ABCB11: variants seen among roughly 807,000 people sequenced by gnomAD.
ABCB11 encodes the protein ATP binding cassette subfamily B member 11.
A neutral mutation model predicts 148.0 loss-of-function variants in ABCB11; 95 were observed. The observed-to-expected ratio is 0.64, with a 90% CI of 0.54 to 0.76. ABCB11 has a LOEUF of 0.76. Ranked by LOEUF, ABCB11 falls within the 30% of genes least tolerant of loss-of-function variation. The pLI is 0.00. For missense variants in ABCB11, 1,523 were observed against 1,617.8 expected (o/e 0.94, Z 1.01); for synonymous variants, 591 against 555.4 (o/e 1.06, Z -0.90).
At chr2:168,995,829 T>G (rs1694695501) in intron 6 of ABCB11, among the ~76,000 whole-genome samples, 1 of 151,930 alleles carries the variant, frequency 6.6e-6, no homozygotes, top group South Asian at 2.1e-4. Flanking sequence ...ATAACTATTT[T>G]TAATGCCATT....
chr2:169,019,669 GA>G (rs1265697350), intron 1 of ABCB11, among the ~76,000 whole-genome samples: 1 of 152,112 alleles, frequency 6.6e-6, no homozygotes, highest in Non-Finnish European at 1.5e-5. Context: ...TGTTGTTCAA[GA>G]ATCAAACTGT....
In ABCB11 at chr2:168,930,823, AT is replaced by A; in HGVS notation, c.3252del (p.Lys1084AsnfsTer13). On this transcript the variant is annotated frameshift_variant, in exon 25 of 28. Coordinates refer to ENST00000650372, the MANE Select transcript of ABCB11 (RefSeq NM_003742.4). LOFTEE classifies it high-confidence loss of function. ...GAGTCAGGTCGAGAAGGATATGTAAATTTACAATCAACAAAATCAATCTTCC... is the reference window on the plus strand; with the variant it reads ...GAGTCAGGTCGAGAAGGATATGTAAATTACAATCAACAAAATCAATCTTCC... Reference protein sequence around the residue: ...FQGKIDFVDCKFTYPSRPDSQ... With the variant: ...FQGKIDFVDCXFTYPSRPDSQ... 1 of 1,610,194 alleles carries A rather than the reference AT, an allele frequency of 6.2e-7. No homozygotes were observed. Among genetic ancestry groups the A allele is most frequent in the Non-Finnish European group, 8.5e-7 (1 of 1,178,202 alleles).
At chr2:168,956,407 G>A (rs916582201) in intron 19 of ABCB11, among the ~76,000 whole-genome samples, 3 of 151,656 alleles carry the variant, frequency 2.0e-5, no homozygotes, top group Admixed American at 1.3e-4. Flanking sequence ...TGTTTCCTAT[G>A]TTCTTCCATT....
intron 2 of ABCB11, 122 bp from the exon 3 acceptor site, chr2:169,016,921 A>AAG: frequency 1.4e-6 from 1 of 722,052 alleles, no homozygotes; most frequent in African/African-American, 1.8e-5. Flanking sequence ...ATGGAATATT[A>AAG]GCAAATGACT....
At chr2:168,970,294 T>C (rs1382812114) in intron 14 of ABCB11, 79 bp from the exon 15 acceptor site, 2 of 1,553,728 alleles carry the variant, frequency 1.3e-6, no homozygotes, top group Non-Finnish European at 1.7e-6. Flanking sequence ...ATGTCCTTTC[T>C]GTCATAGTTT....
chr2:168,945,602 GA>G (rs1236672887), intron 19 of ABCB11, among the ~76,000 whole-genome samples: 1 of 146,646 alleles, frequency 6.8e-6, no homozygotes, highest in African/African-American at 2.5e-5. Flanking sequence ...CGGAAGGGAA[GA>G]AGGAAGAAAG....
At chr2:168,972,652 G>A (rs557506468) in intron 13 of ABCB11, among the ~76,000 whole-genome samples, 2 of 152,126 alleles carry the variant, frequency 1.3e-5, no homozygotes, top group Non-Finnish European at 2.9e-5. Context: ...GAGATGAGAT[G>A]TCTGTGAAAA....
intron 1 of ABCB11, among the ~76,000 whole-genome samples, chr2:169,025,488 G>A (rs997950568): frequency 1.3e-5 from 2 of 152,110 alleles, no homozygotes; most frequent in Non-Finnish European, 2.9e-5. Flanking sequence ...CTTAAAGACC[G>A]AGTCCTCCCT....
At chr2:168,999,203 G>GT (rs1369524901) in intron 5 of ABCB11, among the ~76,000 whole-genome samples, 1 of 151,632 alleles carries the variant, frequency 6.6e-6, no homozygotes, top group Admixed American at 6.6e-5. Flanking sequence ...ATAAAGAGAC[G>GT]TTTTACAAAT....
intron 5 of ABCB11, among the ~76,000 whole-genome samples, chr2:169,002,458 A>C (rs1694905072): frequency 6.6e-6 from 1 of 152,212 alleles, no homozygotes; most frequent in Non-Finnish European, 1.5e-5. Flanking sequence ...GTATATATCC[A>C]AGGAAAATGA....
chr2:169,002,817 T>C (rs1022240128), intron 5 of ABCB11, among the ~76,000 whole-genome samples: 1 of 152,194 alleles, frequency 6.6e-6, no homozygotes, highest in South Asian at 2.1e-4. Context: ...ATACAAAATT[T>C]CAATTAGGAG....
At chr2:168,933,319 T>C (rs1324286824) in intron 23 of ABCB11, among the ~76,000 whole-genome samples, 1 of 152,202 alleles carries the variant, frequency 6.6e-6, no homozygotes, top group Non-Finnish European at 1.5e-5. Context: ...TAATTTATGC[T>C]TCAGAGAGCA....
Position 168,973,699 on chromosome 2 carries a change from T to C in ABCB11, c.1434+16A>G, listed in dbSNP as rs771980321. On this transcript the variant is annotated intron_variant, in intron 13 of 27. Transcript: ENST00000650372. ...TACTGTCCCCATGTATTGAGGAGTT[T>C]CTGGAAGACACCCACCATTCCTTCA... The C allele has an allele frequency of 1.6e-5, 25 of 1,610,900 alleles. No homozygotes were observed. Among genetic ancestry groups the C allele is most frequent in the Admixed American group, 3.3e-5 (2 of 59,872 alleles).
At chr2:168,919,378 G>A (rs2105867861), downstream of ABCB11, among the ~76,000 whole-genome samples, 1 of 152,160 alleles carries the variant, frequency 6.6e-6, no homozygotes, top group African/African-American at 2.4e-5. Context: ...TCTAGCAGGG[G>A]GTTCTGTCTT....
Position 168,936,383 on chromosome 2 carries a change from A to G in ABCB11, c.2661T>C (p.Thr887=). ...AGGAGAAGGCAATGATCATGGCCAC[A>G]GTGACGTTAGTGAAGGAATTGACTA... is the stretch of plus-strand genomic sequence containing the variant. ...GMIVNSFTNV[T]VAMIIAFSFS... The change falls in exon 22 of 28, where the codon ACT becomes ACC. Residue 887 remains threonine (T), a synonymous_variant. Coordinates refer to ENST00000650372, the MANE Select transcript of ABCB11 (RefSeq NM_003742.4). 1.9e-6 allele frequency: 3 copies of G among 1,613,990 alleles called. No homozygotes were observed. The highest frequency in any genetic ancestry group is 2.5e-6 in the Non-Finnish European group (3 of 1,179,886).
At chr2:168,969,230 A>G (rs1693459390) in intron 16 of ABCB11, 120 bp downstream of exon 16, 1 of 914,292 alleles carries the variant, frequency 1.1e-6, no homozygotes, top group Non-Finnish European at 1.6e-6. Flanking sequence ...TTTACCATCT[A>G]TATAACGCCT....
At chr2:168,941,341 A>G (rs1692051705) in intron 21 of ABCB11, among the ~76,000 whole-genome samples, 2 of 152,026 alleles carry the variant, frequency 1.3e-5, no homozygotes, top group South Asian at 4.1e-4. Flanking sequence ...TTTGTGATTC[A>G]TGGGAGGAGG....
At chr2:169,019,543 T>C (rs1219131034) in intron 1 of ABCB11, among the ~76,000 whole-genome samples, 4 of 152,146 alleles carry the variant, frequency 2.6e-5, no homozygotes, top group East Asian at 3.9e-4. Context: ...AACTTGTGCA[T>C]AGGAAAAATT....
intron 10 of ABCB11, among the ~76,000 whole-genome samples, chr2:168,982,679 G>A (rs1235042153): frequency 3.9e-5 from 6 of 152,010 alleles, no homozygotes; most frequent in African/African-American, 7.2e-5. Context: ...TAACCAAACC[G>A]TTAATTAGTT....
Sources: allele counts gnomAD v4.1 joint callset (sites outside exome capture counted in the v4.1 genomes callset), GRCh38; gene constraint gnomAD v4.1.1; transcripts MANE v1.5; gene names NCBI Gene and HGNC (gene_info 2026-07-23, HGNC 2026-07-21).